Variants in CALN1 observed in about 807,000 individuals in gnomAD.
The protein encoded by CALN1 is calneuron 1, also known as calcium-binding protein 8.
CALN1 carries 17 observed loss-of-function variants against 30.6 expected under a neutral mutation model. The ratio of observed to expected loss-of-function variants is 0.56; its 90% CI spans 0.38 to 0.83. CALN1 has a LOEUF of 0.83. Among genes scored for constraint, CALN1 ranks in the 40% least tolerant of loss-of-function variants. The pLI is 0.00. For missense variants in CALN1, 291 were observed against 354.9 expected (o/e 0.82, Z 1.45); for synonymous variants, 156 against 131.4 (o/e 1.19, Z -1.28).
chr7:72,393,250 G>A (rs1805693874), intron 2 of CALN1, among the ~76,000 whole-genome samples: 1 of 152,112 alleles, frequency 6.6e-6, no homozygotes, highest in African/African-American at 2.4e-5. Context: ...TGTGGATCAT[G>A]AGGCCAGATC....
the CALN1 span, among the ~76,000 whole-genome samples, chr7:72,493,254 T>C: frequency 6.6e-6 from 1 of 152,216 alleles, no homozygotes; most frequent in Non-Finnish European, 1.5e-5. Flanking sequence ...AATGGTATCA[T>C]ACAATATGTA....
At chr7:72,087,323 G>A (rs923721078) in intron 4 of CALN1, among the ~76,000 whole-genome samples, 3 of 152,164 alleles carry the variant, frequency 2.0e-5, no homozygotes, top group African/African-American at 7.2e-5. Flanking sequence ...CACGAGGTCA[G>A]GGGTTTGAGA....
intron 5 of CALN1, among the ~76,000 whole-genome samples, chr7:72,007,859 G>A (rs529266041): frequency 3.3e-5 from 5 of 152,236 alleles, no homozygotes; most frequent in African/African-American, 1.2e-4. Context: ...GAGTCACTGG[G>A]CCCAACCTCA....
At chr7:72,395,353 G>GTGCA (rs1805854939) in intron 2 of CALN1, among the ~76,000 whole-genome samples, 1 of 66,618 alleles carries the variant, frequency 1.5e-5, no homozygotes, top group African/African-American at 6.7e-5. Context: ...CGCTGCGCAC[G>GTGCA]CGCGCGCACA....
intron 2 of CALN1, among the ~76,000 whole-genome samples, chr7:72,402,891 A>G (rs1360033639): frequency 1.3e-5 from 2 of 152,156 alleles, no homozygotes. Flanking sequence ...CAATACCCTC[A>G]TAAAATTATT....
intron 5 of CALN1, among the ~76,000 whole-genome samples, chr7:71,828,087 G>A (rs996735495): frequency 5.3e-5 from 8 of 152,066 alleles, no homozygotes; most frequent in Non-Finnish European, 1.5e-5. Flanking sequence ...CATTTCCTCG[G>A]GTAAAATTAT....
intron 3 of CALN1, among the ~76,000 whole-genome samples, chr7:72,161,922 T>C (rs1439069590): frequency 6.6e-6 from 1 of 151,272 alleles, no homozygotes; most frequent in Non-Finnish European, 1.5e-5. Flanking sequence ...AAACAAAACT[T>C]GAACAAAAAA....
the CALN1 span, among the ~76,000 whole-genome samples, chr7:72,477,061 A>G: frequency 6.6e-6 from 1 of 152,092 alleles, no homozygotes; most frequent in African/African-American, 2.4e-5. Flanking sequence ...AAATACAAAA[A>G]CTAGCTGGGC....
chr7:72,141,161 G>A (rs1054303605), intron 3 of CALN1, among the ~76,000 whole-genome samples: 10 of 152,152 alleles, frequency 6.6e-5, no homozygotes, highest in East Asian at 1.9e-4. Flanking sequence ...CACTGGATGC[G>A]GTAGCTCATA....
chr7:72,264,390 A>G (rs1414228036), intron 3 of CALN1, among the ~76,000 whole-genome samples: 1 of 152,226 alleles, frequency 6.6e-6, no homozygotes, highest in Non-Finnish European at 1.5e-5. Flanking sequence ...ATCTTTGAAC[A>G]AAATATATCT....
At chr7:71,904,631 G>A (rs892738219) in intron 5 of CALN1, among the ~76,000 whole-genome samples, 7 of 152,120 alleles carry the variant, frequency 4.6e-5, no homozygotes, top group African/African-American at 9.7e-5. Flanking sequence ...GAGCTCTATC[G>A]TACAGCAAGC....
At chr7:72,057,383 C>CTTTTTTTTTTTTTTTTTTTTT (rs60838093) in intron 4 of CALN1, among the ~76,000 whole-genome samples, 5 of 101,908 alleles carry the variant, frequency 4.9e-5, no homozygotes, top group Non-Finnish European at 5.8e-5. Context: ...TTTAAATGTT[C>CTTTTTTTTTTTTTTTTTTTTT]TTTTTTTTTT....
At chr7:72,404,861 G>A (rs1360467969) in intron 1 of CALN1, among the ~76,000 whole-genome samples, 1 of 152,216 alleles carries the variant, frequency 6.6e-6, no homozygotes, top group Non-Finnish European at 1.5e-5. Context: ...CCCACTGAAA[G>A]TCAGCCTCAA....
intron 3 of CALN1, among the ~76,000 whole-genome samples, chr7:72,231,058 C>T (rs1225436510): frequency 6.6e-6 from 1 of 152,158 alleles, no homozygotes; most frequent in Non-Finnish European, 1.5e-5. Flanking sequence ...GTCTACACTA[C>T]CAGTCTGTCA....
chr7:72,359,154 C>G (rs1039300841), intron 2 of CALN1, among the ~76,000 whole-genome samples: 4 of 152,012 alleles, frequency 2.6e-5, no homozygotes, highest in African/African-American at 9.7e-5. Context: ...GATCTCATAC[C>G]CTTTATCTGT....
chr7:72,004,910 T>G (rs942978350), intron 5 of CALN1, among the ~76,000 whole-genome samples: 1 of 152,152 alleles, frequency 6.6e-6, no homozygotes, highest in African/African-American at 2.4e-5. Flanking sequence ...TGTTAAAGAT[T>G]AGCCATCAGA....
intron 5 of CALN1, among the ~76,000 whole-genome samples, chr7:71,966,697 A>G (rs906313485): frequency 1.3e-5 from 2 of 152,136 alleles, no homozygotes; most frequent in African/African-American, 4.8e-5. Flanking sequence ...TCTTCTTTAT[A>G]TATTACCCAG....
At chr7:72,464,546 C>T in the CALN1 span, among the ~76,000 whole-genome samples, 5 of 152,214 alleles carry the variant, frequency 3.3e-5, 1 homozygote, top group African/African-American at 7.2e-5. Flanking sequence ...CTCCCTGTTC[C>T]GTGTGGTCAA....
At chr7:72,033,732 A>C (rs1215462470) in intron 4 of CALN1, among the ~76,000 whole-genome samples, 1 of 152,208 alleles carries the variant, frequency 6.6e-6, no homozygotes. Context: ...CAGAAGGTCA[A>C]GGCAGGCTGA....
Sources: allele counts gnomAD v4.1 joint callset (sites outside exome capture counted in the v4.1 genomes callset), GRCh38; gene constraint gnomAD v4.1.1; transcripts MANE v1.5; gene names NCBI Gene and HGNC (gene_info 2026-07-23, HGNC 2026-07-21).